Variants in ABHD5 observed in about 807,000 individuals in gnomAD.
ABHD5 encodes the protein 1-acylglycerol-3-phosphate O-acyltransferase ABHD5.
A neutral mutation model predicts 44.9 loss-of-function variants in ABHD5; 30 were observed. That is an observed-to-expected ratio of 0.67 (90% CI 0.50 to 0.91). The LOEUF is 0.91. Among genes scored for constraint, ABHD5 ranks in the 40% least tolerant of loss-of-function variants. The pLI, the probability that ABHD5 is intolerant of heterozygous loss-of-function variation, is 0.00. For missense variants in ABHD5, 399 were observed against 423.4 expected (o/e 0.94, Z 0.50); for synonymous variants, 167 against 147.0 (o/e 1.14, Z -0.99).
intron 1 of ABHD5, among the ~76,000 whole-genome samples, chr3:43,692,733 T>G (rs1396545314): frequency 6.6e-6 from 1 of 152,164 alleles, no homozygotes; most frequent in Non-Finnish European, 1.5e-5. Flanking sequence ...TGCCAGCAAG[T>G]AGCAGGGCTG....
In ABHD5 at chr3:43,702,454, G is replaced by A; in HGVS notation, c.373G>A (p.Glu125Lys). Residue 125 changes from glutamate to lysine, a missense_variant, in exon 3 of 7, where the codon GAA (glutamate) becomes AAA (lysine). Glu to Lys is a moderately conservative substitution (Grantham distance 56). Transcript: ENST00000644371. ...SSRPRFDSDA[E>K]EVENQFVESI... ...TAGACCCAGGTTTGACAGTGATGCA[G>A]AAGAAGTGGAGAATCAGTTTGTGGA... 1 of 1,614,244 alleles carries A rather than the reference G, an allele frequency of 6.2e-7. No individual in the cohort carries two copies. Among genetic ancestry groups the A allele is most frequent in the South Asian group, 1.1e-5 (1 of 91,086 alleles).
intron 3 of ABHD5, chr3:43,707,632 CT>C (rs929256600): frequency 5.9e-5 from 9 of 151,678 alleles, no homozygotes; most frequent in South Asian, 4.2e-4. Flanking sequence ...GTTCTCCTTT[CT>C]TTTTTTTTCC....
intron 7 of ABHD5, among the ~76,000 whole-genome samples, chr3:43,731,736 G>A (rs1346199812): frequency 6.6e-6 from 1 of 152,202 alleles, no homozygotes; most frequent in African/African-American, 2.4e-5. Flanking sequence ...GGAGGCTGAG[G>A]CAGGAGAATC....
chr3:43,718,002 G>A, intron 6 of ABHD5, 145 bp downstream of exon 6: 2 of 1,021,082 alleles, frequency 2.0e-6, no homozygotes, highest in Non-Finnish European at 3.0e-6. Context: ...TACCACCTGT[G>A]ATGGGTGCAG....
At position 43,718,913 on chromosome 3, in the gene ABHD5, C is replaced by T; in HGVS notation, c.*381C>T. 4.6e-6 allele frequency: 1 copy of T among 219,364 alleles called. No individual in the cohort carries two copies. The highest frequency in any genetic ancestry group is 9.2e-6 in the Non-Finnish European group (1 of 108,210). The allele number at this position is 219,364 out of a possible 1,614,324, so 13.6% of individuals were successfully genotyped here. On this transcript the variant is annotated 3_prime_UTR_variant, in exon 7 of 7. Coordinates refer to ENST00000644371, the MANE Select transcript of ABHD5 (RefSeq NM_016006.6). The stretch of plus-strand genomic sequence containing the variant: ...TAGGAAGTGATTTCTGAGTCTCTTA[C>T]ACTGTAAAGGTGCACTTTATTTTCT...
chr3:43,714,125 C>CTTTCTTTT (rs1424610343), intron 4 of ABHD5, among the ~76,000 whole-genome samples: 2 of 149,344 alleles, frequency 1.3e-5, no homozygotes, highest in Non-Finnish European at 3.0e-5. Flanking sequence ...TTCTTTCTTT[C>CTTTCTTTT]TTTCTTTTTT....
intron 3 of ABHD5, among the ~76,000 whole-genome samples, chr3:43,705,435 G>C (rs779685552): frequency 3.9e-5 from 6 of 152,148 alleles, no homozygotes; most frequent in Non-Finnish European, 8.8e-5. Flanking sequence ...GTATTAGTGA[G>C]AATGTTTCTT....
Position 43,718,485 on chromosome 3 carries a change from G to C in ABHD5, c.1003G>C (p.Glu335Gln), listed in dbSNP as rs1256687183. ...AGHYVYADQP[E>Q]EFNQKVKEIC... ...ACATTATGTATATGCAGATCAACCA[G>C]AAGAATTCAACCAGAAAGTAAAGGA... The change falls in exon 7 of 7, where the codon GAA (glutamate) becomes CAA (glutamine). Residue 335 changes from glutamate to glutamine, a missense_variant. By Grantham distance (29) the Glu-to-Gln change is conservative. Transcript: ENST00000644371. 1.2e-6 allele frequency: 2 copies of C among 1,613,998 alleles called. No individual in the cohort carries two copies. The highest frequency in any genetic ancestry group is 8.5e-7 in the Non-Finnish European group (1 of 1,180,014).
intron 3 of ABHD5, among the ~76,000 whole-genome samples, chr3:43,709,270 G>A (rs966117139): frequency 2.0e-5 from 3 of 151,598 alleles, no homozygotes; most frequent in Non-Finnish European, 4.4e-5. Flanking sequence ...GTAGAATTGA[G>A]CAATTGTAGG....
In ABHD5 at chr3:43,722,436, C is replaced by T. The variant is rs2084847452; in HGVS notation, c.*3904C>T. The stretch of plus-strand genomic sequence containing the variant: ...ATAGAAGAATTAGTTATACCAATAA[C>T]TAATAAAATGATCTCCTTGTTAGTG... On this transcript the variant is annotated 3_prime_UTR_variant, in exon 7 of 7. Coordinates refer to ENST00000644371, the MANE Select transcript of ABHD5 (RefSeq NM_016006.6). 1 of 152,148 alleles carries T rather than the reference C, an allele frequency of 6.6e-6. No individual in the cohort carries two copies. The highest frequency in any genetic ancestry group is 1.5e-5 in the Non-Finnish European group (1 of 68,016). 9.4% of individuals were successfully genotyped at this position (152,148 alleles called of 1,614,324 possible).
At chr3:43,705,625 C>CA (rs1239605139) in intron 3 of ABHD5, among the ~76,000 whole-genome samples, 1 of 151,944 alleles carries the variant, frequency 6.6e-6, no homozygotes, top group African/African-American at 2.4e-5. Flanking sequence ...CAGATAATAC[C>CA]CCATTGTAGC....
At chr3:43,691,961 C>T (rs1240662906) in intron 1 of ABHD5, among the ~76,000 whole-genome samples, 1 of 152,140 alleles carries the variant, frequency 6.6e-6, no homozygotes, top group Admixed American at 6.5e-5. Context: ...TGAGTTTATT[C>T]TTTTCTACAC....
downstream of ABHD5, among the ~76,000 whole-genome samples, chr3:43,723,560 A>G (rs937610693): frequency 6.6e-6 from 1 of 152,240 alleles, no homozygotes; most frequent in African/African-American, 2.4e-5. Context: ...GCAACAACCC[A>G]ACACACCATG....
At chr3:43,704,451 T>C (rs1200802205) in intron 3 of ABHD5, among the ~76,000 whole-genome samples, 1 of 152,236 alleles carries the variant, frequency 6.6e-6, no homozygotes, top group African/African-American at 2.4e-5. Flanking sequence ...GGGCTATTTG[T>C]GGGAGTTGAA....
chr3:43,724,798 C>T (rs12487298), downstream of ABHD5, among the ~76,000 whole-genome samples: 29 of 152,150 alleles, frequency 1.9e-4, no homozygotes, highest in Admixed American at 1.8e-3. Flanking sequence ...CACACACACC[C>T]GTATATATGT....
At chr3:43,708,998 C>T (rs573924286) in intron 3 of ABHD5, among the ~76,000 whole-genome samples, 3 of 151,956 alleles carry the variant, frequency 2.0e-5, no homozygotes, top group Non-Finnish European at 4.4e-5. Flanking sequence ...ATTTTGTTAC[C>T]GAATAATAAG....
intron 5 of ABHD5, among the ~76,000 whole-genome samples, chr3:43,716,212 A>AT (rs1387936462): frequency 6.6e-6 from 1 of 152,146 alleles, no homozygotes; most frequent in Non-Finnish European, 1.5e-5. Context: ...GAGTGCAAAG[A>AT]TGAGAGCTGC....
chr3:43,725,389 C>T (rs1467553124), downstream of ABHD5, among the ~76,000 whole-genome samples: 5 of 152,090 alleles, frequency 3.3e-5, no homozygotes, highest in African/African-American at 1.2e-4. Flanking sequence ...CGTTTATTTG[C>T]CTGTTTGCTG....
chr3:43,715,844 G>A (rs1367833659), intron 5 of ABHD5, among the ~76,000 whole-genome samples: 4 of 152,158 alleles, frequency 2.6e-5, no homozygotes, highest in African/African-American at 9.7e-5. Flanking sequence ...TTACTATACC[G>A]AAGGGTATTG....
Sources: gnomAD v4.1 joint callset for allele counts (sites outside exome capture counted in the v4.1 genomes callset) on GRCh38, gnomAD v4.1.1 for gene constraint, MANE v1.5 for transcripts, NCBI Gene and HGNC (gene_info 2026-07-23, HGNC 2026-07-21) for gene names.